Variants in BIRC5 observed in about 807,000 individuals in gnomAD.
BIRC5 encodes the protein baculoviral IAP repeat containing 5, also known as baculoviral IAP repeat-containing protein 5.
In BIRC5, 8 loss-of-function variants were observed where a neutral mutation model predicts 15.8. The ratio of observed to expected loss-of-function variants is 0.51; its 90% CI spans 0.30 to 0.91. BIRC5 has a LOEUF of 0.91. BIRC5 is among the 40% of genes least tolerant of loss of function. BIRC5 has a pLI of 0.07. For synonymous variants in BIRC5, 56 were observed against 64.5 expected, an observed-to-expected ratio of 0.87 and a Z score of 0.63; for missense variants, 163 against 178.6, an observed-to-expected ratio of 0.91 and a Z score of 0.50.
At chr17:78,221,572 G>A (rs1049981844) in intron 3 of BIRC5, among the ~76,000 whole-genome samples, 1 of 152,118 alleles carries the variant, frequency 6.6e-6, no homozygotes, top group African/African-American at 2.4e-5. Context: ...GACTACAGGC[G>A]CTGGGATTAC....
intron 2 of BIRC5, chr17:78,215,075 G>A (rs143352476): frequency 1.9e-4 from 58 of 312,472 alleles, no homozygotes; most frequent in African/African-American, 1.2e-3. Flanking sequence ...TCCCAGGAAC[G>A]TCCAAGTGCT....
intron 1 of BIRC5, 26 bp downstream of exon 1, chr17:78,214,453 C>G: frequency 1.3e-6 from 2 of 1,512,240 alleles, no homozygotes; most frequent in Non-Finnish European, 1.8e-6. Flanking sequence ...CTCCTGGGGT[C>G]CCCCACGCCC....
intron 3 of BIRC5, 120 bp from the exon 4 acceptor site, chr17:78,223,345 C>T: frequency 2.1e-6 from 2 of 960,874 alleles, no homozygotes; most frequent in Non-Finnish European, 3.0e-6. Flanking sequence ...TAGCCCAGTG[C>T]CCAGTTTATT....
At chr17:78,219,095 C>A (rs1473967391) in intron 3 of BIRC5, among the ~76,000 whole-genome samples, 1 of 152,158 alleles carries the variant, frequency 6.6e-6, no homozygotes, top group East Asian at 1.9e-4. Flanking sequence ...AGAGGTTAGA[C>A]CCCCTATCCC....
In BIRC5 at chr17:78,224,574, A is replaced by T. The variant is rs2076537670; in HGVS notation, c.*1020A>T. ...TCCCGCAGGGCTGAAGTCTGGCGTA[A>T]GATGATGGATTTGATTCGCCCTCCT... On this transcript the variant is annotated 3_prime_UTR_variant, in exon 4 of 4. Transcript: ENST00000350051. 1 of 152,214 alleles carries T rather than the reference A, an allele frequency of 6.6e-6. No individual in the cohort carries two copies. The highest frequency in any genetic ancestry group is 2.1e-4 in the South Asian group (1 of 4,826). 9.4% of individuals were successfully genotyped at this position (152,214 alleles called of 1,614,324 possible).
chr17:78,219,478 C>G (rs563048210), intron 3 of BIRC5, among the ~76,000 whole-genome samples: 1 of 152,204 alleles, frequency 6.6e-6, no homozygotes, highest in African/African-American at 2.4e-5. Context: ...AACCACCACA[C>G]CTGGCCTCAA....
Position 78,214,439 on chromosome 17 carries a change from C to T in BIRC5, c.111+12C>T, listed in dbSNP as rs899470863. The stretch of plus-strand genomic sequence containing the variant: ...GCACCCCGGAGCGGGTGAGACTGCC[C>T]GGCCTCCTGGGGTCCCCCACGCCCG... On this transcript the variant is annotated intron_variant, in intron 1 of 3. Transcript: ENST00000350051. 1.4e-5 allele frequency: 22 copies of T among 1,540,552 alleles called. No homozygotes were observed. Among genetic ancestry groups the T allele is most frequent in the Non-Finnish European group, 1.8e-5 (20 of 1,141,474 alleles).
intron 3 of BIRC5, among the ~76,000 whole-genome samples, chr17:78,220,654 C>G (rs1378513193): frequency 1.3e-5 from 2 of 152,012 alleles, no homozygotes; most frequent in South Asian, 2.1e-4. Context: ...TTTGTTTTCC[C>G]CAATTCAGAA....
chr17:78,214,474 G>C (rs760898261), intron 1 of BIRC5, 47 bp downstream of exon 1: 25 of 1,476,420 alleles, frequency 1.7e-5, no homozygotes, highest in Non-Finnish European at 2.0e-5. Context: ...GCCTTGCCCT[G>C]TCCCTAGCGA....
At chr17:78,221,856 A>G (rs992488329) in intron 3 of BIRC5, among the ~76,000 whole-genome samples, 1 of 152,200 alleles carries the variant, frequency 6.6e-6, no homozygotes, top group South Asian at 2.1e-4. Flanking sequence ...ATATCAGTAA[A>G]GCTGAGGCTC....
intron 3 of BIRC5, among the ~76,000 whole-genome samples, chr17:78,220,932 A>G (rs2076511045): frequency 1.3e-5 from 2 of 152,164 alleles, no homozygotes; most frequent in Admixed American, 1.3e-4. Flanking sequence ...GGGATTCCCA[A>G]GATCCCAGAT....
intron 2 of BIRC5, 149 bp downstream of exon 2, chr17:78,214,938 CTGGTGCCT>C (rs1162674636): frequency 2.8e-6 from 2 of 724,252 alleles, no homozygotes; most frequent in Non-Finnish European, 4.6e-6. Context: ...TCTCTATATG[CTGGTGCCT>C]TGGTGATGCT....
At chr17:78,215,380 G>T (rs773156265) in intron 2 of BIRC5, among the ~76,000 whole-genome samples, 15 of 151,614 alleles carry the variant, frequency 9.9e-5, no homozygotes, top group Admixed American at 3.9e-4. Flanking sequence ...TTGTGCCAAT[G>T]CACTCCAGCC....
At chr17:78,222,027 A>G (rs2076518880) in intron 3 of BIRC5, among the ~76,000 whole-genome samples, 1 of 151,898 alleles carries the variant, frequency 6.6e-6, no homozygotes, top group African/African-American at 2.4e-5. Context: ...GCCAGACCTC[A>G]TCTCTTCAAA....
At chr17:78,215,432 A>C (rs78440920) in intron 2 of BIRC5, among the ~76,000 whole-genome samples, 1 of 145,964 alleles carries the variant, frequency 6.9e-6, no homozygotes, top group Non-Finnish European at 1.5e-5. Flanking sequence ...TAAAAAATTG[A>C]AAAAAAAAAA....
chr17:78,214,823 GT>G (rs1357419339), intron 2 of BIRC5, 34 bp downstream of exon 2: 9 of 1,564,716 alleles, frequency 5.8e-6, no homozygotes, highest in Non-Finnish European at 7.0e-6. Context: ...GATGGGCTTT[GT>G]TTTGAACTGA....
chr17:78,223,746 A>C lies in BIRC5; in HGVS notation c.*192A>C, dbSNP rs2076530705. On this transcript the variant is annotated 3_prime_UTR_variant, in exon 4 of 4. Coordinates refer to ENST00000350051, the MANE Select transcript of BIRC5 (RefSeq NM_001168.3). ...GCACCAGAGGTGCTTCTGCCTGTGC[A>C]GCGGGTGCTGCTGGTAACAGTGGCT... 7.9e-7 allele frequency: 1 copy of C among 1,269,950 alleles called. No individual in the cohort carries two copies. Among genetic ancestry groups the C allele is most frequent in the African/African-American group, 1.5e-5 (1 of 65,234 alleles). The allele number at this position is 1,269,950 out of a possible 1,614,324, so 78.7% of individuals were successfully genotyped here.
Position 78,223,508 on chromosome 17 carries a change from C to T in BIRC5, c.383C>T (p.Ala128Val), listed in dbSNP as rs201354179. 30 of 1,608,858 alleles carry T rather than the reference C, an allele frequency of 1.9e-5. 1 individual carries two copies. The highest frequency in any genetic ancestry group is 1.6e-4 in the Middle Eastern group (1 of 6,066). Residue 128 changes from alanine (A) to valine (V), a missense_variant, in exon 4 of 4, where the codon GCG (alanine) becomes GTG (valine). By Grantham distance (64) the Ala-to-Val change is moderately conservative. Transcript: ENST00000350051. ...AAGAAGAAAGAATTTGAGGAAACTG[C>T]GGAGAAAGTGCGCCGTGCCATCGAG... is the stretch of plus-strand genomic sequence containing the variant. Reference protein sequence around the residue: ...NNKKKEFEETAEKVRRAIEQL... With the variant: ...NNKKKEFEETVEKVRRAIEQL...
At position 78,223,834 on chromosome 17, in the gene BIRC5, C is replaced by A; in HGVS notation, c.*280C>A. 1.7e-6 allele frequency: 1 copy of A among 594,356 alleles called. No individual in the cohort carries two copies. The highest frequency in any genetic ancestry group is 2.8e-6 in the Non-Finnish European group (1 of 362,690). 36.8% of individuals were successfully genotyped at this position (594,356 alleles called of 1,614,324 possible). On this transcript the variant is annotated 3_prime_UTR_variant, in exon 4 of 4. Coordinates refer to ENST00000350051, the MANE Select transcript of BIRC5 (RefSeq NM_001168.3). ...TTGCTGTTTTGATTCCCGGGCTTAC[C>A]AGGTGAGAAGTGAGGGAGGAAGAAG...
Sources: gnomAD v4.1 joint callset for allele counts (sites outside exome capture counted in the v4.1 genomes callset) on GRCh38, gnomAD v4.1.1 for gene constraint, MANE v1.5 for transcripts, NCBI Gene and HGNC (gene_info 2026-07-23, HGNC 2026-07-21) for gene names.